CDC42SE2: variants seen among roughly 807,000 people sequenced by gnomAD.
CDC42SE2 encodes CDC42 small effector 2, also known as CDC42 small effector protein 2.
A neutral mutation model predicts 11.5 loss-of-function variants in CDC42SE2; 3 were observed. That is an observed-to-expected ratio of 0.26 (90% CI 0.12 to 0.67). CDC42SE2 has a LOEUF of 0.67. CDC42SE2 is among the 30% of genes least tolerant of loss of function. The probability of loss-of-function intolerance (pLI) is 0.80; values close to 1 mark genes in which losing one functional copy is unlikely to be tolerated. For synonymous variants in CDC42SE2, 33 were observed against 34.8 expected, an observed-to-expected ratio of 0.95 and a Z score of 0.18; for missense variants, 82 against 106.8, an observed-to-expected ratio of 0.77 and a Z score of 1.02.
intron 1 of CDC42SE2, among the ~76,000 whole-genome samples, chr5:131,247,544 G>T (rs1057354772): frequency 6.6e-6 from 1 of 152,002 alleles, no homozygotes; most frequent in African/African-American, 2.4e-5. Flanking sequence ...ACTTGAACCC[G>T]GGAGGTGGAA....
the CDC42SE2 span, among the ~76,000 whole-genome samples, chr5:131,212,028 AAAAGT>A: frequency 6.6e-6 from 1 of 152,040 alleles, no homozygotes; most frequent in Admixed American, 6.5e-5. Flanking sequence ...AAAATAAATA[AAAAGT>A]AAAGTAAAAT....
At chr5:131,360,213 T>C (rs951435790) in intron 3 of CDC42SE2, among the ~76,000 whole-genome samples, 2 of 152,156 alleles carry the variant, frequency 1.3e-5, no homozygotes, top group African/African-American at 4.8e-5. Context: ...TTCCGCCTCC[T>C]GGGTTCAAGT....
At chr5:131,286,774 C>T (rs1442857653) in intron 1 of CDC42SE2, among the ~76,000 whole-genome samples, 1 of 151,598 alleles carries the variant, frequency 6.6e-6, no homozygotes, top group Non-Finnish European at 1.5e-5. Context: ...ATTTTCTTTT[C>T]TCTAGCTTAA....
intron 2 of CDC42SE2, among the ~76,000 whole-genome samples, chr5:131,337,189 C>G (rs916579766): frequency 1.3e-5 from 2 of 152,168 alleles, no homozygotes. Context: ...TTCTAACAGT[C>G]AGGACCCTCA....
At chr5:131,261,168 G>C (rs1271485495), upstream of CDC42SE2, among the ~76,000 whole-genome samples, 1 of 152,138 alleles carries the variant, frequency 6.6e-6, no homozygotes, top group Non-Finnish European at 1.5e-5. Context: ...AGTTTCTTCT[G>C]GACTATAATA....
At chr5:131,269,368 A>G (rs911126402) in intron 1 of CDC42SE2, among the ~76,000 whole-genome samples, 3 of 152,218 alleles carry the variant, frequency 2.0e-5, no homozygotes, top group Non-Finnish European at 2.9e-5. Context: ...TGAAATAACT[A>G]AATTATGAGC....
At position 131,393,854 on chromosome 5, in the gene CDC42SE2, C is replaced by T. The variant is rs141161999; in HGVS notation, c.*2763C>T. On this transcript the variant is annotated 3_prime_UTR_variant, in exon 5 of 5. Coordinates refer to ENST00000505065, the MANE Select transcript of CDC42SE2 (RefSeq NM_001375635.1). ...TTTTTTTTTTTTTTTGCTGCTCCAA[C>T]GACCAGCATGTGTTGGAGCAGATCT... is the stretch of plus-strand genomic sequence containing the variant. The T allele has an allele frequency of 7.3e-3, 839 of 114,954 alleles. 7 individuals are homozygous for T. Among genetic ancestry groups the T allele is most frequent in the African/African-American group, 0.012 (339 of 28,228 alleles). 7.1% of individuals were successfully genotyped at this position (114,954 alleles called of 1,614,324 possible).
chr5:131,234,183 T>G, the CDC42SE2 span, among the ~76,000 whole-genome samples: 1 of 152,256 alleles, frequency 6.6e-6, no homozygotes, highest in Non-Finnish European at 1.5e-5. Flanking sequence ...TTAAAAAAGA[T>G]TTCTCTATAT....
chr5:131,228,251 C>T, the CDC42SE2 span, among the ~76,000 whole-genome samples: 1 of 152,018 alleles, frequency 6.6e-6, no homozygotes, highest in Admixed American at 6.6e-5. Context: ...CCTGTAGTCC[C>T]AGCTACTCAG....
intron 1 of CDC42SE2, among the ~76,000 whole-genome samples, chr5:131,307,645 G>A (rs906604144): frequency 1.1e-4 from 17 of 152,260 alleles, no homozygotes; most frequent in South Asian, 6.2e-4. Flanking sequence ...TTGCCACACT[G>A]ACTTCCACAA....
chr5:131,263,585 C>G (rs1429556881), upstream of CDC42SE2: 1 of 152,234 alleles, frequency 6.6e-6, no homozygotes, highest in African/African-American at 2.4e-5. Context: ...GATGGGCTCT[C>G]AACCGCTACT....
intron 2 of CDC42SE2, among the ~76,000 whole-genome samples, chr5:131,342,765 T>G (rs947760228): frequency 4.6e-5 from 7 of 151,956 alleles, no homozygotes; most frequent in Admixed American, 2.6e-4. Flanking sequence ...CAGGTTGGAG[T>G]GCAGTGGCAC....
chr5:131,232,712 A>T, the CDC42SE2 span, among the ~76,000 whole-genome samples: 2 of 141,128 alleles, frequency 1.4e-5, no homozygotes, highest in Admixed American at 1.4e-4. Context: ...CCAGCCTGGG[A>T]AACAAAAACA....
chr5:131,292,906 CAAAAAAAAAAAAAAAAA>C (rs869300653), intron 1 of CDC42SE2, among the ~76,000 whole-genome samples: 2 of 58,914 alleles, frequency 3.4e-5, no homozygotes, highest in Non-Finnish European at 5.3e-5. Flanking sequence ...GACCCTGTCT[CAAAAAAAAAAAAAAAAA>C]AAAAAAAAAA....
At position 131,361,181 on chromosome 5, in the gene CDC42SE2, A is replaced by G. The variant is rs189180235; in HGVS notation, c.54+1634A>G. 6.1e-4 allele frequency among the ~76,000 whole-genome samples: 92 copies of G among 151,490 alleles called. 1 individual carries two copies. Among genetic ancestry groups the G allele is most frequent in the Admixed American group, 3.4e-3 (51 of 15,172 alleles). ...AGGCTGGAGTGCAGTGACGTGATAT[A>G]TAATAAAGGGTATATAATAAAGTGA... On this transcript the variant is annotated intron_variant, in intron 3 of 4. Coordinates refer to ENST00000505065, the MANE Select transcript of CDC42SE2 (RefSeq NM_001375635.1).
At position 131,359,398 on chromosome 5, in the gene CDC42SE2, T is replaced by TC; in HGVS notation, c.-95dup. On this transcript the variant is annotated 5_prime_UTR_variant, in exon 3 of 5. Coordinates refer to ENST00000505065, the MANE Select transcript of CDC42SE2 (RefSeq NM_001375635.1). ...GAAATAATAAAATTTCATCTTGGCA[T>TC]CACTGGACATCATCGTATTGAGGAG... 1.2e-6 allele frequency: 1 copy of TC among 864,312 alleles called. No homozygotes were observed. 53.5% of individuals were successfully genotyped at this position (864,312 alleles called of 1,614,324 possible). A position where few individuals can be genotyped will look rare whatever the true frequency, so the allele number is the denominator to read the frequency against.
chr5:131,321,860 T>A (rs954568354), intron 2 of CDC42SE2, among the ~76,000 whole-genome samples: 15 of 152,222 alleles, frequency 9.9e-5, no homozygotes, highest in Admixed American at 9.2e-4. Context: ...TTGTTTTGTT[T>A]TTTGTTTTGA....
At chr5:131,241,446 T>G (rs1333643337), upstream of CDC42SE2, among the ~76,000 whole-genome samples, 1 of 152,178 alleles carries the variant, frequency 6.6e-6, no homozygotes, top group Non-Finnish European at 1.5e-5. Flanking sequence ...TTTTTTCTAT[T>G]AATTATCATC....
At chr5:131,381,060 A>G (rs369456670) in intron 3 of CDC42SE2, among the ~76,000 whole-genome samples, 45 of 152,118 alleles carry the variant, frequency 3.0e-4, no homozygotes, top group African/African-American at 1.1e-3. Flanking sequence ...TGATTTTCCT[A>G]CTGACTTTCA....
Sources: allele counts gnomAD v4.1 joint callset (sites outside exome capture counted in the v4.1 genomes callset), GRCh38; gene constraint gnomAD v4.1.1; transcripts MANE v1.5; gene names NCBI Gene and HGNC (gene_info 2026-07-23, HGNC 2026-07-21).